Variants in ABCG8 observed in about 807,000 individuals in gnomAD.
ABCG8 encodes ATP-binding cassette sub-family G member 8.
Under a neutral mutation model 71.3 loss-of-function variants are expected in ABCG8, and 81 were observed. That is an observed-to-expected ratio of 1.14 (90% CI 0.95 to 1.37). ABCG8 has a LOEUF of 1.37. Among genes scored for constraint, ABCG8 ranks in the 40% most tolerant of loss-of-function variants. The pLI is 0.00. For missense variants in ABCG8, 1,119 were observed against 866.2 expected (o/e 1.29, Z -3.66); for synonymous variants, 451 against 354.7 (o/e 1.27, Z -3.05).
At position 43,852,853 on chromosome 2, in the gene ABCG8, C is replaced by T. The variant is rs762542767; in HGVS notation, c.949C>T (p.Pro317Ser). ...IGYPCPRYSN[P>S]ADFYVDLTSI... is the part of the protein sequence containing the mutation. ...CTACCCCTGTCCTCGCTACAGCAAT[C>T]CTGCTGACTTCTATGGTGAGTCCCC... is the stretch of plus-strand genomic sequence containing the variant. Residue 317 changes from proline to serine, a missense_variant, in exon 6 of 13, where the codon CCT (proline) becomes TCT (serine). Physicochemically the swap from Pro to Ser is moderately conservative, Grantham distance 74 (BLOSUM62 -1). Coordinates refer to ENST00000272286, the MANE Select transcript of ABCG8 (RefSeq NM_022437.3). 1 of 1,614,116 alleles carries T rather than the reference C, an allele frequency of 6.2e-7. No homozygotes were observed. The highest frequency in any genetic ancestry group is 8.5e-7 in the Non-Finnish European group (1 of 1,180,048).
chr2:43,855,342 A>G (rs1669067175), intron 6 of ABCG8, among the ~76,000 whole-genome samples: 1 of 151,966 alleles, frequency 6.6e-6, no homozygotes, highest in Non-Finnish European at 1.5e-5. Context: ...CACTATCTGG[A>G]TAGAATTCTC....
intron 10 of ABCG8, 40 bp downstream of exon 10, chr2:43,874,523 C>A (rs774594227): frequency 8.0e-6 from 12 of 1,491,898 alleles, no homozygotes; most frequent in Non-Finnish European, 1.1e-5. Context: ...CCCCACCCAC[C>A]AGGGTGGGGG....
chr2:43,851,445 T>A lies in ABCG8; in HGVS notation c.323-139T>A, dbSNP rs994940343. 16 of 947,546 alleles carry A rather than the reference T, an allele frequency of 1.7e-5. No individual in the cohort carries two copies. In the Admixed American group the frequency reaches 2.4e-4, roughly 14 times the overall value. The allele number at this position is 947,546 out of a possible 1,614,324, so 58.7% of individuals were successfully genotyped here. On this transcript the variant is annotated intron_variant, in intron 3 of 12. Coordinates refer to ENST00000272286, the MANE Select transcript of ABCG8 (RefSeq NM_022437.3). ...GCCCACCCCATCTAGGTCCAGGGAC[T>A]ATGCCACCTCTCTAGGGGCTGGTCA...
intron 11 of ABCG8, 30 bp from the exon 12 acceptor site, chr2:43,877,531 C>T (rs748030413): frequency 5.6e-6 from 9 of 1,612,776 alleles, no homozygotes; most frequent in South Asian, 1.1e-5. Flanking sequence ...ATGAGGGACA[C>T]CTGTGAGTAA....
At position 43,845,080 on chromosome 2, in the gene ABCG8, ATGTG is replaced by A. The variant is rs71393208; in HGVS notation, c.165+488_165+491del. On this transcript the variant is annotated intron_variant, in intron 2 of 12. Transcript: ENST00000272286. ...TTCAGATTTCATTAGTTATATATAT[ATGTG>A]TGTGTGTGTGTGTGTATATATATAT... Among the ~76,000 whole-genome samples the A allele has an allele frequency of 5.1e-4, 71 of 139,102 alleles. 1 individual carries two copies. The highest frequency in any genetic ancestry group is 3.7e-3 in the Middle Eastern group (1 of 268). 91.3% of individuals were successfully genotyped at this position (139,102 alleles called of 152,430 possible).
intron 6 of ABCG8, among the ~76,000 whole-genome samples, chr2:43,867,474 T>C (rs1669571387): frequency 6.6e-6 from 1 of 152,100 alleles, no homozygotes; most frequent in Non-Finnish European, 1.5e-5. Context: ...ACTCTCACTA[T>C]CTAGATAGAA....
chr2:43,846,719 C>G, intron 3 of ABCG8: 1 of 295,774 alleles, frequency 3.4e-6, no homozygotes. Context: ...GCCACACTCT[C>G]ACCTCTCAGA....
rs201640569 is a variant in ABCG8 at position 43,852,738 on chromosome 2, G to C, written c.834G>C (p.Arg278Ser). ...SLHQPRSDIF[R>S]LFDLVLLMTS... The stretch of plus-strand genomic sequence containing the variant: ...ACCAGCCTCGCTCTGACATCTTCAG[G>C]CTGTTTGATCTGGTCCTCCTGATGA... The change falls in exon 6 of 13, where the codon AGG becomes AGC. Residue 278 changes from arginine to serine, a missense_variant. By Grantham distance (110) the Arg-to-Ser change is moderately radical. Transcript: ENST00000272286. The C allele has an allele frequency of 6.2e-7, 1 of 1,614,052 alleles. No individual in the cohort carries two copies. Among genetic ancestry groups the C allele is most frequent in the African/African-American group, 1.3e-5 (1 of 74,914 alleles).
chr2:43,881,861 T>C lies in ABCG8; in HGVS notation c.*3948T>C, dbSNP rs948939037. On this transcript the variant is annotated 3_prime_UTR_variant, in exon 13 of 13. Transcript: ENST00000272286. ...TGTTAAGAGTCAGATAGTAAATATT[T>C]GGGACTTCGTGGGCCTTATAGGCTC... is the stretch of plus-strand genomic sequence containing the variant. 1 of 152,338 alleles carries C rather than the reference T, an allele frequency of 6.6e-6. No homozygotes were observed. The highest frequency in any genetic ancestry group is 2.1e-4 in the South Asian group (1 of 4,830). The allele number at this position is 152,338 out of a possible 1,614,324, so 9.4% of individuals were successfully genotyped here.
chr2:43,870,864 C>G (rs950708925), intron 6 of ABCG8, among the ~76,000 whole-genome samples: 1 of 152,266 alleles, frequency 6.6e-6, no homozygotes, highest in African/African-American at 2.4e-5. Flanking sequence ...AGAACTCTCA[C>G]TCTCTGTCTC....
At chr2:43,875,723 G>A (rs929779359) in intron 11 of ABCG8, among the ~76,000 whole-genome samples, 4 of 152,144 alleles carry the variant, frequency 2.6e-5, no homozygotes, top group Admixed American at 2.0e-4. Flanking sequence ...GCTTGGCTGT[G>A]TCTCCATCCC....
At chr2:43,866,586 CA>C (rs1394722431) in intron 6 of ABCG8, among the ~76,000 whole-genome samples, 2 of 152,186 alleles carry the variant, frequency 1.3e-5, no homozygotes, top group Non-Finnish European at 2.9e-5. Context: ...CCAAAAAACA[CA>C]TGAAAAAATG....
chr2:43,846,464 T>A, intron 3 of ABCG8, 153 bp downstream of exon 3: 1 of 1,141,944 alleles, frequency 8.8e-7, no homozygotes, highest in Non-Finnish European at 1.3e-6. Flanking sequence ...CAGACAGACC[T>A]GGGCTCAAAT....
At position 43,872,009 on chromosome 2, in the gene ABCG8, A is replaced by G. The variant is rs1219021669; in HGVS notation, c.998A>G (p.Glu333Gly). 2 of 1,614,086 alleles carry G rather than the reference A, an allele frequency of 1.2e-6. No individual in the cohort carries two copies. The highest frequency in any genetic ancestry group is 1.7e-5 in the Admixed American group (1 of 60,020). Residue 333 changes from glutamate to glycine, a missense_variant, in exon 7 of 13, where the codon GAG (glutamate) becomes GGG (glycine). Transcript: ENST00000272286. ...DLTSIDRRSREQELATREKAQ... is the reference protein window; with the variant it reads ...DLTSIDRRSRGQELATREKAQ... ...ACCAGCATTGACAGGCGCAGCAGAG[A>G]GCAGGAATTGGCCACCAGGGAGAAG... is the stretch of plus-strand genomic sequence containing the variant.
Position 43,881,281 on chromosome 2 carries a change from G to C in ABCG8, c.*3368G>C, listed in dbSNP as rs1180467668. The C allele has an allele frequency of 6.6e-6, 1 of 152,176 alleles. No individual in the cohort carries two copies. The highest frequency in any genetic ancestry group is 2.4e-5 in the African/African-American group (1 of 41,428). The allele number at this position is 152,176 out of a possible 1,614,324, so 9.4% of individuals were successfully genotyped here. ...CATTTATTTGTGTTTTTCCTACAGC[G>C]GTGGTTCTCCACCCTGGTTGCCCAT... On this transcript the variant is annotated 3_prime_UTR_variant, in exon 13 of 13. Transcript: ENST00000272286.
At position 43,871,957 on chromosome 2, in the gene ABCG8, C is replaced by T; in HGVS notation, c.965-19C>T. 6.2e-7 allele frequency: 1 copy of T among 1,613,928 alleles called. No homozygotes were observed. The highest frequency in any genetic ancestry group is 1.1e-5 in the South Asian group (1 of 91,074). On this transcript the variant is annotated intron_variant, in intron 6 of 12. Coordinates refer to ENST00000272286, the MANE Select transcript of ABCG8 (RefSeq NM_022437.3). ...GCCAGGGAACAGGCCACCTGTGACT[C>T]CACATCCCCTGCTTGCAGTGGACCT...
intron 2 of ABCG8, among the ~76,000 whole-genome samples, chr2:43,845,629 C>CT (rs546904425): frequency 6.7e-5 from 10 of 149,256 alleles, no homozygotes; most frequent in South Asian, 4.3e-4. Context: ...TTTTTCCTTA[C>CT]TTTTTTTTTT....
At chr2:43,839,403 CTTTTTTTTTTTTTTTTTTTTTTTTTTT>C (rs537784677) in intron 1 of ABCG8, among the ~76,000 whole-genome samples, 1,214 of 59,370 alleles carry the variant, frequency 0.02, 28 homozygotes, top group Middle Eastern at 0.047. Flanking sequence ...CTTTTCTTCT[CTTTTTTTTTTTTTTTTTTTTTTTTTTT>C]TTTTTTTTTT....
At position 43,846,115 on chromosome 2, in the gene ABCG8, C is replaced by A. The variant is rs756278769; in HGVS notation, c.166-40C>A. The A allele has an allele frequency of 7.5e-6, 12 of 1,610,646 alleles. No homozygotes were observed. In the East Asian group the frequency reaches 2.7e-4, roughly 36 times the overall value. ...CAGAAGTTGCTGAAGCCCTCTGAAC[C>A]ATTCAGCTCTCTAAGGAACCTTCTG... On this transcript the variant is annotated intron_variant, in intron 2 of 12. Transcript: ENST00000272286.
Sources: gnomAD v4.1 joint callset for allele counts (sites outside exome capture counted in the v4.1 genomes callset) on GRCh38, gnomAD v4.1.1 for gene constraint, MANE v1.5 for transcripts, NCBI Gene and HGNC (gene_info 2026-07-23, HGNC 2026-07-21) for gene names.